Variants in ADK observed in about 807,000 individuals in gnomAD.
ADK encodes N6,N6-dimethyladenosine kinase.
Under a neutral mutation model 44.7 loss-of-function variants are expected in ADK, and 24 were observed. That is an observed-to-expected ratio of 0.54 (90% CI 0.39 to 0.76). The LOEUF (loss-of-function observed/expected upper bound fraction) is 0.76. Among genes scored for constraint, ADK ranks in the 30% least tolerant of loss-of-function variants. The pLI is 0.00. For synonymous variants in ADK, 128 were observed against 142.6 expected (o/e 0.90, Z 0.73); for missense variants, 321 against 425.1 (o/e 0.76, Z 2.15).
intron 4 of ADK, among the ~76,000 whole-genome samples, chr10:74,368,549 T>C (rs1365169756): frequency 6.6e-6 from 1 of 152,142 alleles, no homozygotes; most frequent in Non-Finnish European, 1.5e-5. Flanking sequence ...ATAATCATGA[T>C]AAATGTTAGT....
At chr10:74,684,533 G>A (rs1855723626) in intron 10 of ADK, among the ~76,000 whole-genome samples, 1 of 152,144 alleles carries the variant, frequency 6.6e-6, no homozygotes, top group South Asian at 2.1e-4. Context: ...CACTTTGGGA[G>A]GCCAAGGCAG....
intron 7 of ADK, among the ~76,000 whole-genome samples, chr10:74,538,384 A>T (rs1015271168): frequency 1.2e-4 from 18 of 152,250 alleles, no homozygotes; most frequent in African/African-American, 4.3e-4. Flanking sequence ...TCAATATATT[A>T]AAAATCTCTA....
chr10:74,196,090 C>A (rs1843138448), intron 1 of ADK, among the ~76,000 whole-genome samples: 1 of 150,490 alleles, frequency 6.6e-6, no homozygotes, highest in Non-Finnish European at 1.5e-5. Flanking sequence ...AGGTGTGAGC[C>A]ACCACGTCCA....
chr10:74,637,549 T>C (rs1853659594), intron 9 of ADK, among the ~76,000 whole-genome samples: 1 of 152,230 alleles, frequency 6.6e-6, no homozygotes. Context: ...TATGCATTGA[T>C]ATATGAGAAG....
intron 1 of ADK, among the ~76,000 whole-genome samples, chr10:74,180,557 C>T (rs1842509346): frequency 6.8e-6 from 1 of 146,768 alleles, no homozygotes; most frequent in African/African-American, 2.5e-5. Context: ...CTCCTGGGTT[C>T]ATGCCATTCT....
At chr10:74,535,866 G>A (rs900714899) in intron 7 of ADK, among the ~76,000 whole-genome samples, 15 of 151,864 alleles carry the variant, frequency 9.9e-5, no homozygotes, top group African/African-American at 3.6e-4. Context: ...TGAGATTACA[G>A]GTGTGAGCCC....
intron 6 of ADK, chr10:74,423,585 CT>C: frequency 3.7e-6 from 1 of 266,972 alleles, no homozygotes; most frequent in Non-Finnish European, 7.6e-6. Flanking sequence ...GCAGTCTTTA[CT>C]GATGTCTCCA....
intron 6 of ADK, among the ~76,000 whole-genome samples, chr10:74,413,058 A>C (rs12265290): frequency 0.064 from 9,034 of 140,574 alleles, 847 homozygotes; most frequent in African/African-American, 0.2. Context: ...AACTGTCCCC[A>C]AAAAAAAAAA....
chr10:74,295,632 T>A (rs1839784786), intron 3 of ADK, among the ~76,000 whole-genome samples: 1 of 152,150 alleles, frequency 6.6e-6, no homozygotes, highest in Non-Finnish European at 1.5e-5. Context: ...TCCTCCCTTT[T>A]TTTAGTTTTC....
At chr10:74,485,943 A>T (rs992186068) in intron 6 of ADK, among the ~76,000 whole-genome samples, 3 of 152,154 alleles carry the variant, frequency 2.0e-5, no homozygotes, top group Non-Finnish European at 4.4e-5. Flanking sequence ...TCATTTTTAT[A>T]TGTTTTTGGA....
intron 9 of ADK, among the ~76,000 whole-genome samples, chr10:74,619,585 C>T (rs1353080279): frequency 2.6e-5 from 4 of 151,984 alleles, no homozygotes; most frequent in African/African-American, 4.8e-5. Flanking sequence ...TTTTTTCTAA[C>T]ATATTAATCA....
intron 3 of ADK, among the ~76,000 whole-genome samples, chr10:74,301,676 A>C (rs1840037076): frequency 6.6e-6 from 1 of 152,110 alleles, no homozygotes; most frequent in African/African-American, 2.4e-5. Flanking sequence ...TTTTATAAGT[A>C]CCTAGATAAT....
rs1033678316 is a variant in ADK, at chr10:74,392,709, T to A, written c.274-1432T>A. On this transcript the variant is annotated intron_variant, in intron 4 of 10. Coordinates refer to ENST00000539909, the MANE Select transcript of ADK (RefSeq NM_006721.4). The stretch of plus-strand genomic sequence containing the variant: ...TGTTCCATATTTATGAAATCATTGC[T>A]AAATCCAATGTCCTGAAGCTGTCCC... 2.0e-5 allele frequency among the ~76,000 whole-genome samples: 3 copies of A among 151,948 alleles called. No homozygotes were observed. The East Asian group carries it at 5.8e-4, about 29-fold the overall frequency.
intron 9 of ADK, chr10:74,655,083 C>A (rs555929675): frequency 1.3e-5 from 3 of 239,678 alleles, no homozygotes; most frequent in Non-Finnish European, 2.5e-5. Context: ...TCCCTTCATC[C>A]GCTCTGGGAA....
At chr10:74,468,853 A>G (rs989899804) in intron 6 of ADK, among the ~76,000 whole-genome samples, 1 of 152,160 alleles carries the variant, frequency 6.6e-6, no homozygotes, top group Non-Finnish European at 1.5e-5. Context: ...TCATATTAAA[A>G]TTTCAATTAA....
At chr10:74,666,508 A>G (rs1196978921) in intron 9 of ADK, among the ~76,000 whole-genome samples, 2 of 152,208 alleles carry the variant, frequency 1.3e-5, no homozygotes, top group Admixed American at 6.5e-5. Flanking sequence ...TTTGTGAAGA[A>G]TTGAGAAATA....
intron 1 of ADK, among the ~76,000 whole-genome samples, chr10:74,183,531 A>G (rs371405705): frequency 6.7e-6 from 1 of 149,468 alleles, no homozygotes; most frequent in East Asian, 2.0e-4. Flanking sequence ...TTTTTTTGAG[A>G]TGGAGTTTTG....
chr10:74,367,976 G>A (rs955063016), intron 4 of ADK, among the ~76,000 whole-genome samples: 11 of 152,102 alleles, frequency 7.2e-5, no homozygotes, highest in Admixed American at 2.6e-4. Flanking sequence ...TGTATAAATA[G>A]TTAAATATAA....
chr10:74,434,474 C>T (rs566833404), intron 6 of ADK, among the ~76,000 whole-genome samples: 1 of 152,232 alleles, frequency 6.6e-6, no homozygotes, highest in African/African-American at 2.4e-5. Context: ...ATTCTAAAAT[C>T]GGACAACAAC....
Sources: allele counts gnomAD v4.1 joint callset (sites outside exome capture counted in the v4.1 genomes callset), GRCh38; gene constraint gnomAD v4.1.1; transcripts MANE v1.5; gene names NCBI Gene and HGNC (gene_info 2026-07-23, HGNC 2026-07-21).